The following LAMA2 variants were observed in gnomAD, a reference collection of about 807,000 sequenced individuals.
LAMA2 encodes laminin subunit alpha-2.
A neutral mutation model predicts 364.8 loss-of-function variants in LAMA2; 269 were observed. The ratio of observed to expected loss-of-function variants is 0.74; its 90% CI spans 0.67 to 0.82. LAMA2 has a LOEUF of 0.82. Ranked by LOEUF, LAMA2 falls within the 40% of genes least tolerant of loss-of-function variation. The pLI, the probability that LAMA2 is intolerant of heterozygous loss-of-function variation, is 0.00. For missense variants in LAMA2, 3,807 were observed against 3,873.2 expected (o/e 0.98, Z 0.45); for synonymous variants, 1,379 against 1,370.6 (o/e 1.01, Z -0.14).
intron 31 of LAMA2, among the ~76,000 whole-genome samples, chr6:129,351,815 CT>C (rs1776868144): frequency 6.6e-6 from 1 of 152,114 alleles, no homozygotes; most frequent in African/African-American, 2.4e-5. Flanking sequence ...AGTGGACTTA[CT>C]TAAATGCTAC....
At chr6:129,397,348 T>A (rs41524649) in intron 37 of LAMA2, among the ~76,000 whole-genome samples, 28,895 of 152,082 alleles carry the variant, frequency 0.19, 2,922 homozygotes, top group African/African-American at 0.26. Context: ...CCTCTCTTTG[T>A]TTTTATTGTA....
intron 4 of LAMA2, among the ~76,000 whole-genome samples, chr6:129,117,640 G>A (rs1776553644): frequency 6.6e-6 from 1 of 152,174 alleles, no homozygotes; most frequent in Non-Finnish European, 1.5e-5. Context: ...GATGGCTTAT[G>A]GTTAGAACCA....
chr6:129,465,684 C>T (rs772866421), intron 51 of LAMA2, among the ~76,000 whole-genome samples: 2 of 151,864 alleles, frequency 1.3e-5, no homozygotes, highest in Non-Finnish European at 2.9e-5. Flanking sequence ...GTTCTTTGCT[C>T]ATTTAAATTG....
intron 41 of LAMA2, among the ~76,000 whole-genome samples, chr6:129,437,831 ATT>A (rs1781909306): frequency 6.6e-6 from 1 of 151,836 alleles, no homozygotes; most frequent in African/African-American, 2.4e-5. Flanking sequence ...TTGGATCTTT[ATT>A]TTCTTTCCCC....
rs150644209 is a variant in LAMA2, at chr6:129,464,408, T to G, written c.7111T>G (p.Phe2371Val). 451 of 1,612,428 alleles carry G rather than the reference T, an allele frequency of 2.8e-4. No homozygotes were observed. The African/African-American group carries it at 5.5e-3, about 20-fold the overall frequency. Residue 2371 changes from phenylalanine (F) to valine (V), a missense_variant, in exon 50 of 65, where the codon TTT becomes GTT. Phe to Val is a conservative substitution (Grantham distance 50). This residue lies in a region of LAMA2 where 3,333 missense variants were observed against 3,345.7 expected (regional missense o/e 1.00). Transcript: ENST00000421865. ...ISTVMFKFRT[F>V]SSSALLMYLA... Reference sequence around the variant, plus strand: ...CACTGTCATGTTCAAGTTCAGAACATTTTCTTCGAGTGCTCTTCTGATGTA... The same window carrying G: ...CACTGTCATGTTCAAGTTCAGAACAGTTTCTTCGAGTGCTCTTCTGATGTA...
intron 3 of LAMA2, among the ~76,000 whole-genome samples, chr6:129,077,161 A>AT (rs1337924584): frequency 6.6e-6 from 1 of 152,026 alleles, no homozygotes; most frequent in East Asian, 1.9e-4. Context: ...ATTGAATTTC[A>AT]TTTTTTTGCT....
At chr6:129,054,098 A>G (rs1007212037) in intron 2 of LAMA2, among the ~76,000 whole-genome samples, 7 of 152,212 alleles carry the variant, frequency 4.6e-5, no homozygotes, top group Non-Finnish European at 1.0e-4. Flanking sequence ...AAGTGTTGGG[A>G]GAAATTTCTT....
At chr6:129,277,052 A>G (rs1222391276) in intron 17 of LAMA2, among the ~76,000 whole-genome samples, 2 of 152,270 alleles carry the variant, frequency 1.3e-5, no homozygotes, top group East Asian at 3.9e-4. Context: ...CCAGCTTTTT[A>G]TTGGTTATCC....
intron 41 of LAMA2, among the ~76,000 whole-genome samples, chr6:129,428,295 G>T (rs1781422554): frequency 6.6e-6 from 1 of 152,136 alleles, no homozygotes; most frequent in Non-Finnish European, 1.5e-5. Context: ...TTAGTCAGGT[G>T]TAGCAGCGTG....
intron 31 of LAMA2, among the ~76,000 whole-genome samples, chr6:129,350,823 A>G (rs979726148): frequency 6.6e-6 from 1 of 152,224 alleles, no homozygotes; most frequent in African/African-American, 2.4e-5. Context: ...ATAAATCCCA[A>G]TGCAATTTTT....
chr6:129,132,090 C>T (rs1232052879), intron 4 of LAMA2, among the ~76,000 whole-genome samples: 2 of 152,130 alleles, frequency 1.3e-5, no homozygotes, highest in African/African-American at 4.8e-5. Context: ...AGACTATAGG[C>T]CATCCCCAGA....
chr6:128,908,619 TTG>T (rs1390382862), intron 1 of LAMA2, among the ~76,000 whole-genome samples: 200 of 134,454 alleles, frequency 1.5e-3, no homozygotes, highest in African/African-American at 5.5e-3. Context: ...GAAGGGTTTT[TTG>T]TGTCTCTATT....
chr6:129,160,253 A>AT (rs200489142), intron 8 of LAMA2, among the ~76,000 whole-genome samples: 166 of 152,154 alleles, frequency 1.1e-3, no homozygotes, highest in African/African-American at 3.8e-3. Flanking sequence ...TGTATTGGCT[A>AT]TTTTTTATTA....
intron 1 of LAMA2, among the ~76,000 whole-genome samples, chr6:129,010,880 C>G (rs919402299): frequency 6.6e-6 from 1 of 152,128 alleles, no homozygotes; most frequent in Non-Finnish European, 1.5e-5. Context: ...TGTTTACTTC[C>G]TATACCTATG....
At chr6:129,125,201 A>C (rs1156452142) in intron 4 of LAMA2, among the ~76,000 whole-genome samples, 1 of 152,134 alleles carries the variant, frequency 6.6e-6, no homozygotes, top group African/African-American at 2.4e-5. Flanking sequence ...TGAGTTGGGG[A>C]AGACTGTGGG....
chr6:129,357,601 A>T (rs1777219067), intron 32 of LAMA2, among the ~76,000 whole-genome samples: 1 of 152,040 alleles, frequency 6.6e-6, no homozygotes, highest in Admixed American at 6.6e-5. Flanking sequence ...AGATAAGCCT[A>T]GCTAAATGTG....
intron 12 of LAMA2, among the ~76,000 whole-genome samples, chr6:129,202,978 C>T (rs140124739): frequency 1.3e-5 from 2 of 152,278 alleles, no homozygotes; most frequent in African/African-American, 4.8e-5. Flanking sequence ...GTCACAAGAC[C>T]TCTAGCCAGT....
intron 56 of LAMA2, among the ~76,000 whole-genome samples, chr6:129,488,460 ACCACTATGC>A (rs1784705376): frequency 6.6e-6 from 1 of 151,620 alleles, no homozygotes; most frequent in Non-Finnish European, 1.5e-5. Context: ...ACACTATTGT[ACCACTATGC>A]CACTATGTCC....
chr6:129,310,061 G>A (rs1431266303), intron 22 of LAMA2, among the ~76,000 whole-genome samples: 15 of 151,290 alleles, frequency 9.9e-5, no homozygotes, highest in Admixed American at 8.6e-4. Context: ...TACCACGCCC[G>A]GCTAATTTTT....
Sources: allele counts gnomAD v4.1 joint callset (sites outside exome capture counted in the v4.1 genomes callset), GRCh38; gene constraint gnomAD v4.1.1; regional missense constraint gnomAD v4.1.1; transcripts MANE v1.5; gene names NCBI Gene and HGNC (gene_info 2026-07-23, HGNC 2026-07-21).